JUP: variants seen among roughly 807,000 people sequenced by gnomAD.
JUP encodes junction plakoglobin, also known as catenin (cadherin-associated protein), gamma 80kDa.
A neutral mutation model predicts 71.1 loss-of-function variants in JUP; 28 were observed. That is an observed-to-expected ratio of 0.39 (90% confidence interval 0.29 to 0.54). JUP has a LOEUF of 0.54. Among genes scored for constraint, JUP ranks in the 20% least tolerant of loss-of-function variants. The pLI is 0.62. For missense variants in JUP, 869 were observed against 1,030.1 expected (o/e 0.84, Z 2.14); for synonymous variants, 401 against 438.9 (o/e 0.91, Z 1.08).
intron 8 of JUP, 94 bp downstream of exon 8, chr17:41,762,889 A>ATTTAGGGC: frequency 9.9e-7 from 1 of 1,009,064 alleles, no homozygotes; most frequent in Non-Finnish European, 1.5e-6. Context: ...GAGCCACTGT[A>ATTTAGGGC]TTTAGGGCTT....
At chr17:41,756,059 C>A in intron 13 of JUP, 116 bp downstream of exon 13, 1 of 1,340,446 alleles carries the variant, frequency 7.5e-7, no homozygotes, top group Non-Finnish European at 1.1e-6. Context: ...CATGTGGATG[C>A]CACACAGCAG....
chr17:41,777,140 G>A (rs1341607461), intron 1 of JUP, among the ~76,000 whole-genome samples: 1 of 152,246 alleles, frequency 6.6e-6, no homozygotes, highest in Non-Finnish European at 1.5e-5. Flanking sequence ...ACTAGGTAGG[G>A]AGCTGCCTCC....
intron 1 of JUP, among the ~76,000 whole-genome samples, chr17:41,783,282 C>T (rs376745119): frequency 5.4e-4 from 66 of 123,218 alleles, no homozygotes; most frequent in African/African-American, 1.6e-3. Flanking sequence ...AATAATGATA[C>T]GCGTTTTTTT....
At chr17:41,758,223 G>T in intron 10 of JUP, 176 bp downstream of exon 10, 1 of 642,562 alleles carries the variant, frequency 1.6e-6, no homozygotes, top group Non-Finnish European at 2.5e-6. Flanking sequence ...TTGAAGCTTA[G>T]AAAGCCATGC....
At chr17:41,772,551 G>A (rs1916834072) in intron 1 of JUP, among the ~76,000 whole-genome samples, 1 of 152,072 alleles carries the variant, frequency 6.6e-6, no homozygotes, top group Non-Finnish European at 1.5e-5. Context: ...ACTCACTACT[G>A]GGGCAGTTCC....
chr17:41,777,811 T>C (rs971044884), intron 1 of JUP, among the ~76,000 whole-genome samples: 2 of 152,126 alleles, frequency 1.3e-5, no homozygotes, highest in Admixed American at 6.5e-5. Context: ...GAAGGGGATT[T>C]GTAGGAGAGG....
Position 41,757,509 on chromosome 17 carries a change from C to G in JUP, c.1952G>C (p.Arg651Pro). The stretch of plus-strand genomic sequence containing the variant: ...GTCTGGGTTCTTGTCCTCGGAGATG[C>G]GGAACAGGACGGCAGCAGCGTAGGT... ...TATYAAAVLF[R>P]ISEDKNPDYR... Residue 651 changes from arginine to proline, a missense_variant, in exon 12 of 14, where the codon CGC (arginine) becomes CCC (proline). By Grantham distance (103) the Arg-to-Pro change is moderately radical. Transcript: ENST00000393931. 1 of 1,614,160 alleles carries G rather than the reference C, an allele frequency of 6.2e-7. No individual in the cohort carries two copies. Among genetic ancestry groups the G allele is most frequent in the South Asian group, 1.1e-5 (1 of 91,086 alleles).
At chr17:41,770,285 G>A (rs1038977162) in intron 2 of JUP, among the ~76,000 whole-genome samples, 2 of 152,150 alleles carry the variant, frequency 1.3e-5, no homozygotes, top group Admixed American at 6.5e-5. Context: ...CAGAGAGCAG[G>A]AGCTGGGTCC....
Position 41,757,554 on chromosome 17 carries a change from G to C in JUP, c.1925-18C>G. The stretch of plus-strand genomic sequence containing the variant: ...GTAGGTGGCTGAGCAGAGAGGAAAG[G>C]AAAAGCCAGGTTAAACGTCGGCCAG... On this transcript the variant is annotated intron_variant, in intron 11 of 13. Coordinates refer to ENST00000393931, the MANE Select transcript of JUP (RefSeq NM_002230.4). 6.2e-7 allele frequency: 1 copy of C among 1,614,228 alleles called. No individual in the cohort carries two copies. The highest frequency in any genetic ancestry group is 8.5e-7 in the Non-Finnish European group (1 of 1,180,044).
intron 4 of JUP, among the ~76,000 whole-genome samples, chr17:41,768,376 G>A (rs546920254): frequency 4.1e-5 from 6 of 146,938 alleles, no homozygotes; most frequent in African/African-American, 1.3e-4. Flanking sequence ...TCCAGCCTGG[G>A]CAACAGGAGG....
chr17:41,784,393 C>T (rs1323632286), intron 1 of JUP, among the ~76,000 whole-genome samples: 3 of 152,094 alleles, frequency 2.0e-5, no homozygotes, highest in Non-Finnish European at 4.4e-5. Context: ...GTCCTACCTT[C>T]TCCTCCTCCC....
intron 1 of JUP, among the ~76,000 whole-genome samples, chr17:41,785,742 C>T (rs2047426113): frequency 6.6e-6 from 1 of 152,176 alleles, no homozygotes; most frequent in Non-Finnish European, 1.5e-5. Flanking sequence ...GTTCCCCTAC[C>T]AACACTCTGG....
chr17:41,765,341 C>A (rs1261490527), intron 5 of JUP, among the ~76,000 whole-genome samples: 1 of 151,700 alleles, frequency 6.6e-6, no homozygotes, highest in Non-Finnish European at 1.5e-5. Flanking sequence ...CAGCCAAGCA[C>A]CCCAATAAGT....
rs1410230415 is a variant in JUP at position 41,754,678 on chromosome 17, A to G, written c.*1066T>C. The G allele has an allele frequency of 6.5e-6, 1 of 152,704 alleles. No homozygotes were observed. Among genetic ancestry groups the G allele is most frequent in the African/African-American group, 2.4e-5 (1 of 41,454 alleles). 9.5% of individuals were successfully genotyped at this position (152,704 alleles called of 1,614,324 possible). A position where few individuals can be genotyped will look rare whatever the true frequency, so the allele number is the denominator to read the frequency against. ...AACCAATAACCAAAAACATAAAGCG[A>G]TAATAATAAAACACTCTGCTTGGAC... On this transcript the variant is annotated 3_prime_UTR_variant, in exon 14 of 14. Coordinates refer to ENST00000393931, the MANE Select transcript of JUP (RefSeq NM_002230.4).
chr17:41,759,499 C>T (rs1168859022), intron 8 of JUP, among the ~76,000 whole-genome samples: 1 of 150,848 alleles, frequency 6.6e-6, no homozygotes, highest in Non-Finnish European at 1.5e-5. Context: ...ACACCATGAC[C>T]TTGCTTGCTT....
chr17:41,773,531 G>A lies in JUP; in HGVS notation c.-8-1669C>T, dbSNP rs116525699. ...AGACCCCAGACGACAGGCTCGGGCC[G>A]CCAGATGTGCACAGCTGCTTCCCAG... On this transcript the variant is annotated intron_variant, in intron 1 of 13. Coordinates refer to ENST00000393931, the MANE Select transcript of JUP (RefSeq NM_002230.4). 7.0e-3 allele frequency among the ~76,000 whole-genome samples: 1,064 copies of A among 152,260 alleles called. 7 individuals carry two copies. Among genetic ancestry groups the A allele is most frequent in the African/African-American group, 0.025 (1,036 of 41,536 alleles).
chr17:41,758,046 T>C, intron 10 of JUP: 1 of 557,270 alleles, frequency 1.8e-6, no homozygotes, highest in Non-Finnish European at 3.2e-6. Flanking sequence ...TGTTAGACTC[T>C]TCTTGTCTGT....
At chr17:41,756,097 C>T in intron 13 of JUP, 78 bp downstream of exon 13, 1 of 1,457,176 alleles carries the variant, frequency 6.9e-7, no homozygotes, top group Non-Finnish European at 9.6e-7. Flanking sequence ...GCCCCGGAGA[C>T]ATAATATTGT....
chr17:41,781,182 CT>C (rs2047142467), intron 1 of JUP, among the ~76,000 whole-genome samples: 1 of 130,534 alleles, frequency 7.7e-6, no homozygotes, highest in Admixed American at 7.9e-5. Flanking sequence ...GAGACTCCGT[CT>C]CAAAAAAAAA....
Sources: allele counts gnomAD v4.1 joint callset (sites outside exome capture counted in the v4.1 genomes callset), GRCh38; gene constraint gnomAD v4.1.1; transcripts MANE v1.5; gene names NCBI Gene and HGNC (gene_info 2026-07-23, HGNC 2026-07-21).